Variants in PDE1C observed in about 807,000 individuals in gnomAD.
The protein encoded by PDE1C is dual specificity calcium/calmodulin-dependent 3',5'-cyclic nucleotide phosphodiesterase 1C.
Under a neutral mutation model 93.1 loss-of-function variants are expected in PDE1C, and 62 were observed. The ratio of observed to expected loss-of-function variants is 0.67; its 90% CI spans 0.54 to 0.82. The LOEUF is 0.82. PDE1C is among the 40% of genes least tolerant of loss of function. The pLI, the probability that PDE1C is intolerant of heterozygous loss-of-function variation, is 0.00. For synonymous variants in PDE1C, 325 were observed against 310.1 expected (o/e 1.05, Z -0.50); for missense variants, 742 against 884.6 (o/e 0.84, Z 2.04).
At chr7:31,964,321 G>T (rs1223804901) in intron 2 of PDE1C, among the ~76,000 whole-genome samples, 1 of 152,226 alleles carries the variant, frequency 6.6e-6, no homozygotes, top group Non-Finnish European at 1.5e-5. Flanking sequence ...CCCACACCTG[G>T]CTTGGAGGGT....
At chr7:32,287,937 T>C (rs1447726815) in intron 1 of PDE1C, among the ~76,000 whole-genome samples, 1 of 152,198 alleles carries the variant, frequency 6.6e-6, no homozygotes, top group Non-Finnish European at 1.5e-5. Context: ...GCGCAGTGCC[T>C]CACACCTGTA....
At chr7:32,303,618 G>C (rs148413811), upstream of PDE1C, among the ~76,000 whole-genome samples, 589 of 152,222 alleles carry the variant, frequency 3.9e-3, 5 homozygotes, top group African/African-American at 0.013. Context: ...AGGAATGGCA[G>C]AGATAATCTA....
At chr7:31,962,964 A>G (rs146865947) in intron 2 of PDE1C, among the ~76,000 whole-genome samples, 1 of 152,204 alleles carries the variant, frequency 6.6e-6, no homozygotes, top group African/African-American at 2.4e-5. Flanking sequence ...CAACTCCCTC[A>G]TTAAGTTTAG....
At chr7:31,632,265 G>T in the PDE1C span, among the ~76,000 whole-genome samples, 8 of 152,020 alleles carry the variant, frequency 5.3e-5, no homozygotes, top group South Asian at 1.7e-3. Flanking sequence ...TGGCTAACAC[G>T]GTGAAACTCC....
chr7:31,980,423 C>G (rs141919899), intron 2 of PDE1C, among the ~76,000 whole-genome samples: 17 of 152,242 alleles, frequency 1.1e-4, no homozygotes, highest in African/African-American at 4.1e-4. Context: ...TTGGATTTGC[C>G]TAACACCTCT....
In PDE1C at chr7:31,780,565, A is replaced by G. The variant is rs77219884; in HGVS notation, c.1892-4833T>C. The stretch of plus-strand genomic sequence containing the variant: ...AGAATTCTCAAATATCTGATAAATG[A>G]GGTAAAATAAAAGCAAATGAACAAA... On this transcript the variant is annotated intron_variant, in intron 16 of 17. Transcript: ENST00000396191. 4.0e-3 allele frequency among the ~76,000 whole-genome samples: 610 copies of G among 152,338 alleles called. 1 individual carries two copies. Among genetic ancestry groups the G allele is most frequent in the Non-Finnish European group, 7.2e-3 (492 of 68,038 alleles).
upstream of PDE1C, among the ~76,000 whole-genome samples, chr7:32,073,148 G>C (rs1796159394): frequency 6.6e-6 from 1 of 152,100 alleles, no homozygotes; most frequent in Admixed American, 6.5e-5. Context: ...GATTGTCAGA[G>C]AAAAGCAAAT....
chr7:32,388,438 G>C (rs1034266397), intron 1 of PDE1C, among the ~76,000 whole-genome samples: 14 of 152,054 alleles, frequency 9.2e-5, no homozygotes, highest in African/African-American at 3.1e-4. Flanking sequence ...GAGCCAGAAC[G>C]GGGTAGAAGG....
chr7:31,643,357 C>T, the PDE1C span: 4 of 1,614,004 alleles, frequency 2.5e-6, no homozygotes, highest in South Asian at 4.4e-5. Flanking sequence ...ATCTGAAAAG[C>T]TCATTCCCCA....
At chr7:32,171,600 C>G (rs1443698534) in intron 2 of PDE1C, among the ~76,000 whole-genome samples, 1 of 150,000 alleles carries the variant, frequency 6.7e-6, no homozygotes, top group African/African-American at 2.4e-5. Context: ...TATTATTTTA[C>G]TTAATGTTAT....
chr7:31,862,957 AAGG>A (rs1794854536), intron 7 of PDE1C, among the ~76,000 whole-genome samples: 1 of 152,128 alleles, frequency 6.6e-6, no homozygotes, highest in Admixed American at 6.6e-5. Flanking sequence ...TGTCTTTTCT[AAGG>A]TTGTGAAATA....
At chr7:32,163,979 T>C (rs1802069989) in intron 3 of PDE1C, among the ~76,000 whole-genome samples, 1 of 152,218 alleles carries the variant, frequency 6.6e-6, no homozygotes, top group Non-Finnish European at 1.5e-5. Context: ...ATTATTTTAC[T>C]GTTTGCATGT....
chr7:32,286,341 A>T (rs1811997828), intron 1 of PDE1C, among the ~76,000 whole-genome samples: 2 of 152,184 alleles, frequency 1.3e-5, no homozygotes, highest in Admixed American at 6.5e-5. Flanking sequence ...TCAAATCCAG[A>T]TCTCTCCACT....
At chr7:32,345,348 A>G (rs1399176837) in intron 1 of PDE1C, among the ~76,000 whole-genome samples, 2 of 152,206 alleles carry the variant, frequency 1.3e-5, no homozygotes, top group Non-Finnish European at 2.9e-5. Flanking sequence ...GTGTTTCTAT[A>G]ATAGAATGAA....
At position 32,169,943 on chromosome 7, in the gene PDE1C, C is replaced by A. The variant is rs750293959; in HGVS notation, c.150G>T (p.Gln50His). ...CGATGAGGGAGTTCCACAGACAGTT[C>A]TGTGACTTAGACCCTGAGGCATGGG... Residue 50 changes from glutamine to histidine, a missense_variant, in exon 3 of 19, where the codon CAG (glutamine) becomes CAT (histidine). Transcript: ENST00000396193. 5.6e-6 allele frequency: 9 copies of A among 1,612,428 alleles called. No homozygotes were observed. The Admixed American group carries it at 1.5e-4, about 27-fold the overall frequency.
At chr7:31,681,394 T>TGGAG in the PDE1C span, among the ~76,000 whole-genome samples, 4 of 10,010 alleles carry the variant, frequency 4.0e-4, no homozygotes, top group Admixed American at 1.2e-3. Flanking sequence ...GATGGATGGA[T>TGGAG]GGATGGATGG....
intron 1 of PDE1C, among the ~76,000 whole-genome samples, chr7:32,291,303 G>A (rs981602049): frequency 6.6e-6 from 1 of 152,174 alleles, no homozygotes; most frequent in African/African-American, 2.4e-5. Context: ...CAGGATCCAG[G>A]TTAGATGCTT....
the PDE1C span, among the ~76,000 whole-genome samples, chr7:31,709,917 G>A: frequency 6.6e-6 from 1 of 152,158 alleles, no homozygotes; most frequent in African/African-American, 2.4e-5. Context: ...TTGGAAAGTC[G>A]AGGGGGAGCA....
At chr7:31,810,226 A>T (rs1787381013) in intron 15 of PDE1C, among the ~76,000 whole-genome samples, 1 of 152,112 alleles carries the variant, frequency 6.6e-6, no homozygotes, top group African/African-American at 2.4e-5. Flanking sequence ...CAAGTGTTGG[A>T]TATTTTCTTA....
Sources: gnomAD v4.1 joint callset for allele counts (sites outside exome capture counted in the v4.1 genomes callset) on GRCh38, gnomAD v4.1.1 for gene constraint, MANE v1.5 for transcripts, NCBI Gene and HGNC (gene_info 2026-07-23, HGNC 2026-07-21) for gene names.